The following ROBO2 variants were observed in gnomAD, a reference collection of about 807,000 sequenced individuals.
The protein encoded by ROBO2 is roundabout homolog 2.
A neutral mutation model predicts 160.8 loss-of-function variants in ROBO2; 53 were observed. The observed-to-expected ratio is 0.33, with a 90% confidence interval of 0.26 to 0.41. The LOEUF is 0.41. ROBO2 is among the 10% of genes least tolerant of loss of function. ROBO2 has a pLI of 1.00. For synonymous variants in ROBO2, 664 were observed against 611.7 expected (o/e 1.09, Z -1.26); for missense variants, 1,577 against 1,722.4 (o/e 0.92, Z 1.49).
At chr3:77,615,801 C>G (rs9309777) in intron 21 of ROBO2, among the ~76,000 whole-genome samples, 3,441 of 152,202 alleles carry the variant, frequency 0.023, 42 homozygotes, top group African/African-American at 0.039. Context: ...AAAATATACA[C>G]GTTCAAGTTT....
intron 2 of ROBO2, among the ~76,000 whole-genome samples, chr3:76,290,187 G>A (rs1708734310): frequency 6.6e-6 from 1 of 151,966 alleles, no homozygotes; most frequent in Non-Finnish European, 1.5e-5. Context: ...AATCCTCACT[G>A]TAGGGATCTT....
intron 2 of ROBO2, among the ~76,000 whole-genome samples, chr3:76,946,838 G>C (rs926127710): frequency 6.6e-6 from 1 of 152,208 alleles, no homozygotes; most frequent in Non-Finnish European, 1.5e-5. Flanking sequence ...GATTACCCTG[G>C]ATGTTTTGTA....
intron 2 of ROBO2, among the ~76,000 whole-genome samples, chr3:76,518,275 T>G (rs77353459): frequency 0.017 from 2,510 of 152,102 alleles, 31 homozygotes; most frequent in Non-Finnish European, 0.025. Flanking sequence ...CCACTGGGAG[T>G]TGACTCATCA....
intron 2 of ROBO2, among the ~76,000 whole-genome samples, chr3:76,803,274 G>A (rs1019465930): frequency 6.6e-6 from 1 of 152,012 alleles, no homozygotes; most frequent in African/African-American, 2.4e-5. Flanking sequence ...ATACTTTCTG[G>A]AGCAAAGGAG....
At chr3:76,566,342 G>A (rs2108538777) in intron 2 of ROBO2, among the ~76,000 whole-genome samples, 1 of 152,314 alleles carries the variant, frequency 6.6e-6, no homozygotes, top group East Asian at 1.9e-4. Context: ...TAGAGAGGCA[G>A]ATGGAGGCAC....
rs201635964 is a variant in ROBO2, at chr3:76,621,077, A to G, written c.110-476937A>G. Among the ~76,000 whole-genome samples the G allele has an allele frequency of 1.4e-4, 21 of 151,086 alleles. No homozygotes were observed. The East Asian group carries it at 3.9e-3, about 28-fold the overall frequency. On this transcript the variant is annotated intron_variant, in intron 2 of 26. Transcript: ENST00000487694. ...GGGACATACAAAAGTTTTAATACTC[A>G]TTTCACCAGAAGGAAACCTCCTAAA... is the stretch of plus-strand genomic sequence containing the variant.
chr3:77,643,043 T>A, intron 24 of ROBO2, 100 bp downstream of exon 26: 1 of 406,068 alleles, frequency 2.5e-6, no homozygotes, highest in Non-Finnish European at 4.9e-6. Flanking sequence ...CTGAAAAACA[T>A]TTGCCTTCAA....
At chr3:77,260,163 T>C (rs372229682) in intron 2 of ROBO2, among the ~76,000 whole-genome samples, 98 of 152,312 alleles carry the variant, frequency 6.4e-4, no homozygotes, top group African/African-American at 2.3e-3. Context: ...AGGACTGTTT[T>C]CACAGCGGTG....
At chr3:76,862,596 C>G (rs1337392050) in intron 2 of ROBO2, among the ~76,000 whole-genome samples, 1 of 152,006 alleles carries the variant, frequency 6.6e-6, no homozygotes, top group Non-Finnish European at 1.5e-5. Flanking sequence ...TTCAGATTCT[C>G]TCTGTGTCCC....
intron 2 of ROBO2, among the ~76,000 whole-genome samples, chr3:77,151,616 G>A (rs1397320239): frequency 6.6e-6 from 1 of 152,086 alleles, no homozygotes; most frequent in Non-Finnish European, 1.5e-5. Flanking sequence ...TGCTGTTCAG[G>A]CTTTGACTAT....
chr3:75,998,734 G>T (rs992049462), intron 2 of ROBO2, among the ~76,000 whole-genome samples: 1 of 152,132 alleles, frequency 6.6e-6, no homozygotes, highest in Admixed American at 6.5e-5. Flanking sequence ...AATTCTAGTG[G>T]CTATTATAGG....
intron 2 of ROBO2, among the ~76,000 whole-genome samples, chr3:76,929,611 A>G (rs73102500): frequency 0.013 from 2,030 of 152,144 alleles, 23 homozygotes; most frequent in Middle Eastern, 0.027. Flanking sequence ...GACCCCTTAA[A>G]ACGTAAGGCA....
At chr3:76,733,967 G>A (rs1053302825) in intron 2 of ROBO2, among the ~76,000 whole-genome samples, 3 of 152,168 alleles carry the variant, frequency 2.0e-5, no homozygotes, top group South Asian at 2.1e-4. Flanking sequence ...ACCAGAAAGA[G>A]CATCTATCGT....
chr3:76,927,385 C>G (rs1577549295), intron 2 of ROBO2, among the ~76,000 whole-genome samples: 1 of 152,144 alleles, frequency 6.6e-6, no homozygotes, highest in East Asian at 1.9e-4. Context: ...AAGAAAATTT[C>G]CATACAATAA....
intron 1 of ROBO2, among the ~76,000 whole-genome samples, chr3:75,935,299 C>T (rs1326597687): frequency 1.3e-5 from 2 of 151,992 alleles, no homozygotes; most frequent in Admixed American, 1.3e-4. Context: ...GTGGGAGGAT[C>T]CCTTGACCTA....
intron 2 of ROBO2, among the ~76,000 whole-genome samples, chr3:76,291,371 C>A (rs1402816043): frequency 1.3e-5 from 2 of 152,092 alleles, no homozygotes; most frequent in Non-Finnish European, 2.9e-5. Flanking sequence ...CTTTATATTT[C>A]TGTGGAGTCA....
chr3:76,590,818 C>T (rs571605768), intron 2 of ROBO2, among the ~76,000 whole-genome samples: 7 of 152,128 alleles, frequency 4.6e-5, no homozygotes, highest in Non-Finnish European at 8.8e-5. Flanking sequence ...CATCTTCAGA[C>T]ACAAATTATA....
chr3:76,370,505 T>G (rs1366231645), intron 2 of ROBO2, among the ~76,000 whole-genome samples: 1 of 151,866 alleles, frequency 6.6e-6, no homozygotes, highest in Non-Finnish European at 1.5e-5. Context: ...AATTAGTGGA[T>G]TATATTATTA....
chr3:77,203,116 C>A (rs893290414), intron 2 of ROBO2, among the ~76,000 whole-genome samples: 5 of 152,118 alleles, frequency 3.3e-5, no homozygotes, highest in Non-Finnish European at 5.9e-5. Flanking sequence ...GTTTTATGTC[C>A]AGCGAATCAA....
Sources: allele counts gnomAD v4.1 joint callset (sites outside exome capture counted in the v4.1 genomes callset), GRCh38; gene constraint gnomAD v4.1.1; transcripts MANE v1.5; gene names NCBI Gene and HGNC (gene_info 2026-07-23, HGNC 2026-07-21).